GRM8: variants seen among roughly 807,000 people sequenced by gnomAD.
The protein encoded by GRM8 is metabotropic glutamate receptor 8.
In GRM8, 47 loss-of-function variants were observed where a neutral mutation model predicts 87.2. The observed-to-expected ratio is 0.54, with a 90% CI of 0.43 to 0.69. The LOEUF is 0.69. GRM8 is among the 30% of genes least tolerant of loss of function. GRM8 has a pLI of 0.00. For synonymous variants in GRM8, 396 were observed against 404.5 expected, an observed-to-expected ratio of 0.98 and a Z score of 0.25; for missense variants, 1,019 against 1,139.2, an observed-to-expected ratio of 0.89 and a Z score of 1.52.
At chr7:126,449,320 C>T (rs1802359844) in intron 9 of GRM8, among the ~76,000 whole-genome samples, 1 of 151,814 alleles carries the variant, frequency 6.6e-6, no homozygotes, top group Admixed American at 6.6e-5. Context: ...CTTCTCTGAA[C>T]AGTAAGTTCT....
intron 10 of GRM8, among the ~76,000 whole-genome samples, chr7:126,441,125 T>C (rs1801425593): frequency 1.3e-5 from 2 of 152,022 alleles, no homozygotes; most frequent in South Asian, 2.1e-4. Flanking sequence ...TAATTAGCTG[T>C]CCTATGAGAA....
rs565679226 is a variant in GRM8 at position 126,715,252 on chromosome 7, T to G, written c.1357+54613A>C. 3.9e-5 allele frequency among the ~76,000 whole-genome samples: 6 copies of G among 152,300 alleles called. No homozygotes were observed. In the East Asian group the frequency reaches 9.6e-4, roughly 24 times the overall value. ...ATGAAATTGCTCATGTGGAGATGAT[T>G]AGCATCACAAGGCATTTTAAGCAGA... On this transcript the variant is annotated intron_variant, in intron 7 of 10. Coordinates refer to ENST00000339582, the MANE Select transcript of GRM8 (RefSeq NM_000845.3).
intron 7 of GRM8, among the ~76,000 whole-genome samples, chr7:126,639,493 A>G (rs1802171565): frequency 6.6e-6 from 1 of 152,114 alleles, no homozygotes; most frequent in African/African-American, 2.4e-5. Flanking sequence ...CCTTTCTGAT[A>G]GTTTTCTTAA....
intron 2 of GRM8, among the ~76,000 whole-genome samples, chr7:127,138,595 C>T (rs1828079102): frequency 6.6e-6 from 1 of 152,080 alleles, no homozygotes; most frequent in Non-Finnish European, 1.5e-5. Context: ...CACAACATTT[C>T]CATTTCATTA....
intron 1 of GRM8, among the ~76,000 whole-genome samples, chr7:127,248,549 C>T (rs1798697233): frequency 6.6e-6 from 1 of 152,222 alleles, no homozygotes; most frequent in African/African-American, 2.4e-5. Context: ...CTGTATAGCA[C>T]TGGGCAAGTC....
intron 7 of GRM8, among the ~76,000 whole-genome samples, 165 bp from the exon 8 acceptor site, chr7:126,609,663 A>C (rs891559166): frequency 2.0e-5 from 3 of 152,260 alleles, no homozygotes; most frequent in Non-Finnish European, 4.4e-5. Context: ...TATCTTTTAC[A>C]TGAAAAAGAA....
chr7:126,742,956 TC>T (rs1815186827), intron 7 of GRM8, among the ~76,000 whole-genome samples: 1 of 151,984 alleles, frequency 6.6e-6, no homozygotes, highest in Non-Finnish European at 1.5e-5. Flanking sequence ...TTCCACCACT[TC>T]CCCAACAGAG....
chr7:126,746,791 C>T (rs1238971022), intron 7 of GRM8, among the ~76,000 whole-genome samples: 1 of 151,488 alleles, frequency 6.6e-6, no homozygotes, highest in Non-Finnish European at 1.5e-5. Flanking sequence ...ATTTAAATAT[C>T]TAAAATTGCT....
At chr7:127,015,076 AAGGAG>A (rs775585835) in intron 3 of GRM8, among the ~76,000 whole-genome samples, 3,411 of 89,350 alleles carry the variant, frequency 0.038, 46 homozygotes, top group Non-Finnish European at 0.062. Flanking sequence ...AGAAAGAAAG[AAGGAG>A]AAGAAGGAGA....
chr7:126,732,580 G>A (rs989644658), intron 7 of GRM8, among the ~76,000 whole-genome samples: 10 of 152,090 alleles, frequency 6.6e-5, no homozygotes, highest in East Asian at 1.9e-4. Flanking sequence ...TGAATATGGC[G>A]TATAGAGAGC....
chr7:126,575,848 C>A (rs1383333328), intron 8 of GRM8, among the ~76,000 whole-genome samples: 4 of 152,114 alleles, frequency 2.6e-5, no homozygotes, highest in Non-Finnish European at 5.9e-5. Flanking sequence ...GAGAACTTAA[C>A]TTCCAAGTGC....
At chr7:126,903,561 TACATACAC>T (rs1459491473) in intron 5 of GRM8, among the ~76,000 whole-genome samples, 1 of 60,492 alleles carries the variant, frequency 1.7e-5, no homozygotes, top group Admixed American at 1.6e-4. Context: ...CTTTCCTAAA[TACATACAC>T]ACACACACAC....
chr7:126,777,511 A>G (rs1280958814), intron 6 of GRM8, among the ~76,000 whole-genome samples: 2 of 152,072 alleles, frequency 1.3e-5, no homozygotes, highest in Non-Finnish European at 2.9e-5. Context: ...TGCTTCTCCA[A>G]ATTCCCCTTT....
chr7:126,815,159 T>C (rs982564885), intron 6 of GRM8, among the ~76,000 whole-genome samples: 3 of 152,116 alleles, frequency 2.0e-5, no homozygotes, highest in Non-Finnish European at 4.4e-5. Flanking sequence ...TGAATAATTC[T>C]TTTTGTCCAT....
chr7:127,011,369 T>C (rs1369007070), intron 3 of GRM8, among the ~76,000 whole-genome samples: 3 of 152,172 alleles, frequency 2.0e-5, no homozygotes, highest in Non-Finnish European at 4.4e-5. Flanking sequence ...AAGGTTTAAC[T>C]ACATAAATTA....
chr7:126,782,443 C>T (rs1820180920), intron 6 of GRM8, among the ~76,000 whole-genome samples: 1 of 152,060 alleles, frequency 6.6e-6, no homozygotes, highest in Non-Finnish European at 1.5e-5. Context: ...TAATTAAGTT[C>T]TATTGAGGAT....
At chr7:127,017,796 G>A (rs1000259670) in intron 3 of GRM8, among the ~76,000 whole-genome samples, 1 of 151,264 alleles carries the variant, frequency 6.6e-6, no homozygotes, top group Admixed American at 6.6e-5. Flanking sequence ...AGAGAAGCAG[G>A]GACAGAAAAA....
intron 3 of GRM8, among the ~76,000 whole-genome samples, chr7:126,999,116 A>G (rs1408473960): frequency 6.6e-6 from 1 of 151,508 alleles, no homozygotes; most frequent in Non-Finnish European, 1.5e-5. Flanking sequence ...TTTTCAACAA[A>G]GCTGCCAAGA....
chr7:127,034,415 C>T (rs148072563), intron 3 of GRM8, among the ~76,000 whole-genome samples: 21 of 152,220 alleles, frequency 1.4e-4, no homozygotes, highest in African/African-American at 5.1e-4. Context: ...TATTACAGAC[C>T]TCATTATCTG....
Sources: allele counts gnomAD v4.1 joint callset (sites outside exome capture counted in the v4.1 genomes callset), GRCh38; gene constraint gnomAD v4.1.1; transcripts MANE v1.5; gene names NCBI Gene and HGNC (gene_info 2026-07-23, HGNC 2026-07-21).